Variants in DPYD observed in about 807,000 individuals in gnomAD.
DPYD encodes the protein dihydropyrimidine dehydrogenase [NADP(+)].
DPYD carries 109 observed loss-of-function variants against 116.2 expected under a neutral mutation model. That is an observed-to-expected ratio of 0.94 (90% CI 0.80 to 1.10). The LOEUF is 1.10. Among genes scored for constraint, DPYD ranks in the 50% least tolerant of loss-of-function variants. The pLI is 0.00. For missense variants in DPYD, 1,302 were observed against 1,254.5 expected (o/e 1.04, Z -0.57); for synonymous variants, 440 against 432.0 (o/e 1.02, Z -0.23).
At chr1:97,602,216 TA>T (rs1248155355) in intron 8 of DPYD, among the ~76,000 whole-genome samples, 1 of 152,012 alleles carries the variant, frequency 6.6e-6, no homozygotes, top group Non-Finnish European at 1.5e-5. Flanking sequence ...AGTACAATTT[TA>T]AAAAGCACTA....
intron 16 of DPYD, among the ~76,000 whole-genome samples, chr1:97,352,895 G>A (rs930251291): frequency 2.6e-5 from 4 of 152,078 alleles, no homozygotes; most frequent in Non-Finnish European, 5.9e-5. Flanking sequence ...AAGGCGGAAA[G>A]AGAAAGAAAA....
chr1:97,686,653 A>G (rs1409138788), intron 7 of DPYD, among the ~76,000 whole-genome samples: 7 of 148,706 alleles, frequency 4.7e-5, no homozygotes, highest in Non-Finnish European at 1.0e-4. Flanking sequence ...AAAAAAAAAA[A>G]AAAAAAAAAA....
intron 5 of DPYD, among the ~76,000 whole-genome samples, chr1:97,705,483 A>G (rs1661886370): frequency 6.6e-6 from 1 of 152,044 alleles, no homozygotes; most frequent in African/African-American, 2.4e-5. Context: ...TTATGGCTGC[A>G]TAGTATTCCA....
At chr1:97,085,776 C>T (rs944189288) in intron 21 of DPYD, among the ~76,000 whole-genome samples, 21 of 152,140 alleles carry the variant, frequency 1.4e-4, no homozygotes, top group African/African-American at 5.1e-4. Context: ...CTGTGGAGAT[C>T]AGGGAACCCA....
intron 13 of DPYD, among the ~76,000 whole-genome samples, chr1:97,469,063 CTGTAGATAGTCACCACTAA>C (rs1270659420): frequency 6.6e-6 from 1 of 152,110 alleles, no homozygotes; most frequent in African/African-American, 2.4e-5. Flanking sequence ...TAATGGCCCT[CTGTAGATAGTCACCACTAA>C]TGTTTATCAG....
At chr1:97,857,715 T>C (rs915109624) in intron 2 of DPYD, among the ~76,000 whole-genome samples, 1 of 152,190 alleles carries the variant, frequency 6.6e-6, no homozygotes, top group African/African-American at 2.4e-5. Flanking sequence ...AGTGTTTCTC[T>C]GAGTCCTGTG....
chr1:97,781,827 C>T (rs776289397), intron 3 of DPYD, among the ~76,000 whole-genome samples: 3 of 152,170 alleles, frequency 2.0e-5, no homozygotes, highest in Non-Finnish European at 2.9e-5. Flanking sequence ...GGTTAATCAG[C>T]ACTAAATAAT....
intron 22 of DPYD, among the ~76,000 whole-genome samples, chr1:97,081,090 T>C (rs923205529): frequency 3.3e-5 from 5 of 151,982 alleles, no homozygotes; most frequent in African/African-American, 1.2e-4. Context: ...AGGTGATGAA[T>C]TGAGTAAAAA....
intron 14 of DPYD, among the ~76,000 whole-genome samples, chr1:97,398,484 A>C (rs569326994): frequency 4.6e-4 from 70 of 152,218 alleles, no homozygotes; most frequent in African/African-American, 1.4e-3. Context: ...ACTAGGTCAA[A>C]TGGTATTTCT....
intron 21 of DPYD, among the ~76,000 whole-genome samples, chr1:97,092,181 A>G (rs920930981): frequency 6.6e-6 from 1 of 152,098 alleles, no homozygotes; most frequent in Non-Finnish European, 1.5e-5. Context: ...TTTATTTGTC[A>G]TTGTCTGTTT....
At chr1:97,771,193 G>A (rs1256554123) in intron 3 of DPYD, among the ~76,000 whole-genome samples, 1 of 152,120 alleles carries the variant, frequency 6.6e-6, no homozygotes, top group Non-Finnish European at 1.5e-5. Context: ...GTGGTGGCAT[G>A]CGCCAGGGGG....
chr1:97,158,447 G>A (rs181671470), intron 20 of DPYD, among the ~76,000 whole-genome samples: 38 of 136,378 alleles, frequency 2.8e-4, no homozygotes, highest in Admixed American at 8.8e-4. Context: ...ACCTCCTTTG[G>A]GCTTCTCCTG....
At chr1:97,663,627 T>C (rs918972715) in intron 8 of DPYD, among the ~76,000 whole-genome samples, 2 of 152,114 alleles carry the variant, frequency 1.3e-5, no homozygotes, top group African/African-American at 4.8e-5. Flanking sequence ...CACTAATCTC[T>C]TACCTCTCAC....
chr1:97,400,385 A>T (rs192202531), intron 14 of DPYD, among the ~76,000 whole-genome samples: 7 of 152,284 alleles, frequency 4.6e-5, no homozygotes, highest in African/African-American at 1.7e-4. Context: ...ATCGATGTTC[A>T]TCACGGATAT....
intron 14 of DPYD, among the ~76,000 whole-genome samples, chr1:97,433,803 T>C (rs1246192061): frequency 2.0e-5 from 3 of 152,210 alleles, no homozygotes; most frequent in Non-Finnish European, 4.4e-5. Context: ...TGAAAATATA[T>C]GAAATGTAAA....
chr1:97,656,119 A>G (rs1424664373), intron 8 of DPYD, among the ~76,000 whole-genome samples: 1 of 152,176 alleles, frequency 6.6e-6, no homozygotes, highest in East Asian at 1.9e-4. Context: ...TAGCAATCTT[A>G]TAATTCACAA....
At chr1:97,629,087 AT>A (rs1018151591) in intron 8 of DPYD, among the ~76,000 whole-genome samples, 2 of 152,060 alleles carry the variant, frequency 1.3e-5, no homozygotes, top group African/African-American at 4.8e-5. Flanking sequence ...CCTTTTAATG[AT>A]TAACATTAAA....
intron 12 of DPYD, among the ~76,000 whole-genome samples, chr1:97,545,390 A>G (rs1349065133): frequency 6.6e-6 from 1 of 152,180 alleles, no homozygotes; most frequent in African/African-American, 2.4e-5. Context: ...TTCCAAATCA[A>G]TGTTGAAATT....
chr1:97,580,675 C>G (rs1417470424), intron 10 of DPYD, among the ~76,000 whole-genome samples: 5 of 152,138 alleles, frequency 3.3e-5, no homozygotes, highest in Non-Finnish European at 7.4e-5. Flanking sequence ...AGCAATAACC[C>G]TGCTAAGTCA....
Sources: gnomAD v4.1 joint callset for allele counts (sites outside exome capture counted in the v4.1 genomes callset) on GRCh38, gnomAD v4.1.1 for gene constraint, MANE v1.5 for transcripts, NCBI Gene and HGNC (gene_info 2026-07-23, HGNC 2026-07-21) for gene names.